The following DDX55 variants were observed in gnomAD, a reference collection of about 807,000 sequenced individuals.
DDX55 encodes the protein DEAD-box helicase 55, also known as ATP-dependent RNA helicase DDX55.
In DDX55, 56 loss-of-function variants were observed where a neutral mutation model predicts 69.2. That is an observed-to-expected ratio of 0.81 (90% confidence interval 0.65 to 1.01). DDX55 has a LOEUF of 1.01. Among genes scored for constraint, DDX55 ranks in the 50% least tolerant of loss-of-function variants. DDX55 has a pLI of 0.00. For synonymous variants in DDX55, 268 were observed against 273.1 expected (o/e 0.98, Z 0.18); for missense variants, 720 against 745.1 (o/e 0.97, Z 0.39).
chr12:123,620,588 A>T lies in DDX55; in HGVS notation c.*448A>T, dbSNP rs1273330915. The stretch of plus-strand genomic sequence containing the variant: ...ATAGACATATGTACATATTATATAT[A>T]TATATATATATATATATATATATAT... On this transcript the variant is annotated 3_prime_UTR_variant, in exon 14 of 14. Coordinates refer to ENST00000238146, the MANE Select transcript of DDX55 (RefSeq NM_020936.3). The T allele has an allele frequency of 5.7e-5, 3 of 52,630 alleles. No homozygotes were observed. Among genetic ancestry groups the T allele is most frequent in the African/African-American group, 2.1e-4 (3 of 14,478 alleles). The allele number at this position is 52,630 out of a possible 1,614,324, so 3.3% of individuals were successfully genotyped here.
Position 123,613,250 on chromosome 12 carries a change from C to G in DDX55, c.822C>G (p.Phe274Leu), listed in dbSNP as rs1239777023. Reference sequence around the variant, plus strand: ...AGCAGGAGAAACACCTGGTCTTCTTCAGGTACTCCTCTGGTCTCTGTGGTA... The same window carrying G: ...AGCAGGAGAAACACCTGGTCTTCTTGAGGTACTCCTCTGGTCTCTGTGGTA... ...NHKQEKHLVF[F>L]STCACVEYYG... is the part of the protein sequence containing the mutation. The change falls in exon 8 of 14, where the codon TTC (phenylalanine) becomes TTG (leucine). Residue 274 changes from phenylalanine to leucine, a missense_variant and splice_region_variant. Physicochemically the swap from Phe to Leu is conservative, Grantham distance 22. Transcript: ENST00000238146. 6.2e-7 allele frequency: 1 copy of G among 1,614,082 alleles called. No individual in the cohort carries two copies. Among genetic ancestry groups the G allele is most frequent in the East Asian group, 2.2e-5 (1 of 44,878 alleles).
rs201374038 is a variant in DDX55 at position 123,618,884 on chromosome 12, G to A, written c.1333+47G>A. 3.7e-5 allele frequency: 59 copies of A among 1,597,492 alleles called. No individual in the cohort carries two copies. In the African/African-American group the frequency reaches 6.0e-4, roughly 16 times the overall value. On this transcript the variant is annotated intron_variant, in intron 12 of 13. Transcript: ENST00000238146. ...GATAATGTCTCCATCTTAACTATGT[G>A]GTGGTCTTACAAGTATGAGATTGCT...
chr12:123,608,623 A>G, intron 5 of DDX55, 57 bp from the exon 6 acceptor site: 1 of 1,592,842 alleles, frequency 6.3e-7, no homozygotes, highest in South Asian at 1.1e-5. Flanking sequence ...TTTGGTAATC[A>G]TCAACCACAT....
intron 7 of DDX55, 92 bp from the exon 8 acceptor site, chr12:123,613,078 A>C: frequency 7.4e-7 from 1 of 1,351,614 alleles, no homozygotes; most frequent in Non-Finnish European, 1.0e-6. Context: ...GGGAAATGAC[A>C]TTCCTTAAAA....
chr12:123,603,741 G>A (rs555713089), intron 1 of DDX55, among the ~76,000 whole-genome samples: 81 of 152,106 alleles, frequency 5.3e-4, no homozygotes, highest in African/African-American at 1.9e-3. Context: ...AGAATGACTG[G>A]CGTGCGTATC....
chr12:123,608,928 TTTTTTATTTTCA>T, intron 6 of DDX55, 99 bp downstream of exon 6: 1 of 1,092,586 alleles, frequency 9.2e-7, no homozygotes, highest in Non-Finnish European at 1.2e-6. Flanking sequence ...GGTATTTTTA[TTTTTTATTTTCA>T]TTTTTATTTA....
In DDX55 at chr12:123,618,639, G is replaced by A. The variant is rs764234130; in HGVS notation, c.1165-30G>A. The A allele has an allele frequency of 8.1e-6, 13 of 1,599,966 alleles. No homozygotes were observed. In the South Asian group the frequency reaches 1.5e-4, roughly 18 times the overall value. On this transcript the variant is annotated intron_variant, in intron 11 of 13. Coordinates refer to ENST00000238146, the MANE Select transcript of DDX55 (RefSeq NM_020936.3). ...TGGGGATATGATGCCAGCCAGGGAA[G>A]GTGAGAATGTGGTATGTGTGTGTGT...
At chr12:123,614,547 G>A (rs1467902606) in intron 8 of DDX55, among the ~76,000 whole-genome samples, 7 of 152,182 alleles carry the variant, frequency 4.6e-5, no homozygotes, top group Non-Finnish European at 1.0e-4. Flanking sequence ...GAAGGGTGCC[G>A]GGTAAGGAGC....
rs1955045487 is a variant in DDX55, at chr12:123,620,389, CAGG to C, written c.*254_*256del. The C allele has an allele frequency of 3.6e-6, 1 of 275,070 alleles. No homozygotes were observed. Among genetic ancestry groups the C allele is most frequent in the African/African-American group, 2.2e-5 (1 of 46,024 alleles). 17.0% of individuals were successfully genotyped at this position (275,070 alleles called of 1,614,324 possible). On this transcript the variant is annotated 3_prime_UTR_variant, in exon 14 of 14. Coordinates refer to ENST00000238146, the MANE Select transcript of DDX55 (RefSeq NM_020936.3). ...ATCCCAGCACTTTGGGAGGCTGAGG[CAGG>C]AGGATCACTTGAGCCCAGGAGTTCA...
intron 9 of DDX55, among the ~76,000 whole-genome samples, chr12:123,616,279 C>T (rs1234786866): frequency 6.6e-6 from 1 of 152,138 alleles, no homozygotes; most frequent in Non-Finnish European, 1.5e-5. Context: ...AATGGCAGTG[C>T]TGTAATTTTT....
intron 10 of DDX55, 36 bp downstream of exon 10, chr12:123,616,639 G>A: frequency 1.3e-6 from 2 of 1,586,778 alleles, no homozygotes; most frequent in Non-Finnish European, 1.7e-6. Flanking sequence ...CTCTGTTGAG[G>A]AATTTAGCCT....
chr12:123,618,948 A>G, intron 12 of DDX55, 111 bp downstream of exon 12: 1 of 1,480,570 alleles, frequency 6.8e-7, no homozygotes, highest in Non-Finnish European at 9.1e-7. Flanking sequence ...TTTTGAGTAG[A>G]CACAGAATAA....
chr12:123,602,427 G>C (rs1953621776), intron 1 of DDX55, among the ~76,000 whole-genome samples, 171 bp downstream of exon 1: 2 of 152,220 alleles, frequency 1.3e-5, no homozygotes, highest in Admixed American at 1.3e-4. Flanking sequence ...GAGCTGCCCG[G>C]CCAGCGAGCC....
intron 3 of DDX55, 29 bp downstream of exon 3, chr12:123,606,188 A>C (rs1953880214): frequency 6.2e-7 from 1 of 1,611,142 alleles, no homozygotes; most frequent in Admixed American, 1.7e-5. Context: ...ATTTATTTTC[A>C]CCTAGTCATC....
chr12:123,610,613 T>C (rs1593697310), intron 7 of DDX55, among the ~76,000 whole-genome samples: 1 of 132,284 alleles, frequency 7.6e-6, no homozygotes. Flanking sequence ...TTCTTTTTTT[T>C]TTTTTTTTTT....
rs68169681 is a variant in DDX55 at position 123,620,580 on chromosome 12, TTATATATATATATATATATATA to T, written c.*467_*488del. ...GGTCACATATAGACATATGTACATA[TTATATATATATATATATATATA>T]TATATATATATATATATATATATAT... is the stretch of plus-strand genomic sequence containing the variant. On this transcript the variant is annotated 3_prime_UTR_variant, in exon 14 of 14. Transcript: ENST00000238146. 9.3e-4 allele frequency: 61 copies of T among 65,360 alleles called. No individual in the cohort carries two copies. The highest frequency in any genetic ancestry group is 2.8e-3 in the East Asian group (2 of 724). The allele number at this position is 65,360 out of a possible 1,614,324, so 4.0% of individuals were successfully genotyped here.
intron 9 of DDX55, among the ~76,000 whole-genome samples, chr12:123,615,566 C>T (rs1193632314): frequency 5.9e-5 from 9 of 152,206 alleles, no homozygotes; most frequent in Non-Finnish European, 1.3e-4. Flanking sequence ...CAGCAGGCTC[C>T]GTGACACAGG....
At chr12:123,607,708 T>C (rs370322499) in intron 5 of DDX55, 46 bp downstream of exon 5, 4 of 1,613,476 alleles carry the variant, frequency 2.5e-6, no homozygotes, top group Non-Finnish European at 3.4e-6. Context: ...CTTTTGGCAT[T>C]GAACCTAAGA....
chr12:123,607,553 A>G, intron 4 of DDX55, 30 bp downstream of exon 4: 1 of 1,614,176 alleles, frequency 6.2e-7, no homozygotes, highest in South Asian at 1.1e-5. Flanking sequence ...CCTGTTAGTC[A>G]TGGGCTGTTT....
Sources: allele counts gnomAD v4.1 joint callset (sites outside exome capture counted in the v4.1 genomes callset), GRCh38; gene constraint gnomAD v4.1.1; transcripts MANE v1.5; gene names NCBI Gene and HGNC (gene_info 2026-07-23, HGNC 2026-07-21).